RAB40AL: variants seen among roughly 807,000 people sequenced by gnomAD.
The protein encoded by RAB40AL is RAB40A like, also known as ras-related protein Rab-40A-like.
For synonymous variants in RAB40AL, 65 were observed against 95.2 expected, an observed-to-expected ratio of 0.68 and a Z score of 1.85; for missense variants, 171 against 226.7, an observed-to-expected ratio of 0.75 and a Z score of 1.58.
chrX:102,937,668 C>T lies in RAB40AL; in HGVS notation c.350C>T (p.Pro117Leu). The change falls in exon 1 of 1, where the codon CCT becomes CTT. Residue 117 changes from proline (P) to leucine (L), a missense_variant. By Grantham distance (98) the Pro-to-Leu change is moderately conservative (BLOSUM62 -3). Coordinates refer to ENST00000218249, the MANE Select transcript of RAB40AL (RefSeq NM_001031834.1). ...ATTAAGAAGATTGAGGAACATGCCC[C>T]TGGTGTCCCTAAAATCCTGGTGGGG... ...RWIKKIEEHA[P>L]GVPKILVGNR... 8.3e-7 allele frequency: 1 copy of T among 1,210,252 alleles called. No individual in the cohort carries two copies. The highest frequency in any genetic ancestry group is 1.1e-6 in the Non-Finnish European group (1 of 895,227).
In RAB40AL at chrX:102,938,027, C is replaced by T. The variant is rs1268182246; in HGVS notation, c.709C>T (p.Arg237Ter). Residue 237 changes from arginine (R) to a stop codon, truncating the protein, a stop_gained, in exon 1 of 1, where the codon CGA becomes TGA. Coordinates refer to ENST00000218249, the MANE Select transcript of RAB40AL (RefSeq NM_001031834.1). LOFTEE classifies it low-confidence loss of function (END_TRUNC). ...TAAGGGCCTGAATGCCAGGATGATG[C>T]GAGGCCTCTCCTACTCCCTCACCAC... ...MAKGLNARMMRGLSYSLTTSS... is the reference protein window; with the variant it reads ...MAKGLNARMM The T allele has an allele frequency of 1.2e-5, 15 of 1,210,155 alleles. No homozygotes were observed. Among genetic ancestry groups the T allele is most frequent in the Non-Finnish European group, 1.6e-5 (14 of 895,307 alleles).
At position 102,938,021 on chromosome X, in the gene RAB40AL, A is replaced by G. The variant is rs1232191452; in HGVS notation, c.703A>G (p.Met235Val). ...CATGGCTAAGGGCCTGAATGCCAGG[A>G]TGATGCGAGGCCTCTCCTACTCCCT... ...FSMAKGLNAR[M>V]MRGLSYSLTT... is the part of the protein sequence containing the mutation. The change falls in exon 1 of 1, where the codon ATG becomes GTG. Residue 235 changes from methionine to valine, a missense_variant. Physicochemically the swap from Met to Val is conservative, Grantham distance 21. Coordinates refer to ENST00000218249, the MANE Select transcript of RAB40AL (RefSeq NM_001031834.1). The G allele has an allele frequency of 8.3e-7, 1 of 1,210,362 alleles. No homozygotes were observed. Among genetic ancestry groups the G allele is most frequent in the Non-Finnish European group, 1.1e-6 (1 of 895,362 alleles).
chrX:102,937,431 C>A lies in RAB40AL; in HGVS notation c.113C>A (p.Thr38Lys), dbSNP rs761196461. The change falls in exon 1 of 1, where the codon ACG (threonine) becomes AAG (lysine). Residue 38 changes from threonine to lysine, a missense_variant. By Grantham distance (78) the Thr-to-Lys change is moderately conservative (BLOSUM62 -1). Coordinates refer to ENST00000218249, the MANE Select transcript of RAB40AL (RefSeq NM_001031834.1). ...SEILESLQDG[T>K]AESPYSHLGG... ...ATCCTGGAGAGCCTGCAGGACGGCACGGCCGAGTCCCCGTACAGTCACCTG... is the reference window on the plus strand; with the variant it reads ...ATCCTGGAGAGCCTGCAGGACGGCAAGGCCGAGTCCCCGTACAGTCACCTG... 7 of 1,211,541 alleles carry A rather than the reference C, an allele frequency of 5.8e-6. No homozygotes were observed. In the East Asian group the frequency reaches 1.5e-4, roughly 26 times the overall value.
chrX:102,937,887 T>G lies in RAB40AL; in HGVS notation c.569T>G (p.Leu190Arg), dbSNP rs756056894. The stretch of plus-strand genomic sequence containing the variant: ...TGGCTCGGGAGGCCGAGCAAGGTAC[T>G]GAGCTTGCAAGACCTCTGCTGCCGC... ...LNWLGRPSKV[L>R]SLQDLCCRTI... is the part of the protein sequence containing the mutation. The change falls in exon 1 of 1, where the codon CTG becomes CGG. Residue 190 changes from leucine (L) to arginine (R), a missense_variant. Leu to Arg is a moderately radical substitution (Grantham distance 102). Coordinates refer to ENST00000218249, the MANE Select transcript of RAB40AL (RefSeq NM_001031834.1). The G allele has an allele frequency of 9.9e-6, 12 of 1,210,643 alleles. No individual in the cohort carries two copies. The highest frequency in any genetic ancestry group is 6.5e-5 in the Admixed American group (3 of 45,937).
rs1426608755 is a variant in RAB40AL at position 102,937,814 on chromosome X, T to C, written c.496T>C (p.Ser166Pro). Residue 166 changes from serine to proline, a missense_variant, in exon 1 of 1, where the codon TCT becomes CCT. By Grantham distance (74) the Ser-to-Pro change is moderately conservative (BLOSUM62 -1). Coordinates refer to ENST00000218249, the MANE Select transcript of RAB40AL (RefSeq NM_001031834.1). ...SPLCNFNIIE[S>P]FTELARIVLL... is the part of the protein sequence containing the mutation. The stretch of plus-strand genomic sequence containing the variant: ...TCTGTGCAATTTCAACATCATAGAG[T>C]CTTTCACGGAGCTGGCCAGGATAGT... 7.4e-6 allele frequency: 9 copies of C among 1,209,124 alleles called. No homozygotes were observed. Among genetic ancestry groups the C allele is most frequent in the Non-Finnish European group, 1.0e-5 (9 of 895,072 alleles).
In RAB40AL at chrX:102,937,427, G is replaced by C; in HGVS notation, c.109G>C (p.Gly37Arg). 1.7e-6 allele frequency: 2 copies of C among 1,211,819 alleles called. No individual in the cohort carries two copies. Among genetic ancestry groups the C allele is most frequent in the Non-Finnish European group, 2.2e-6 (2 of 895,514 alleles). ...TGAGATCCTGGAGAGCCTGCAGGACGGCACGGCCGAGTCCCCGTACAGTCA... is the reference window on the plus strand; with the variant it reads ...TGAGATCCTGGAGAGCCTGCAGGACCGCACGGCCGAGTCCCCGTACAGTCA... ...KSEILESLQD[G>R]TAESPYSHLG... The change falls in exon 1 of 1, where the codon GGC becomes CGC. Residue 37 changes from glycine (G) to arginine (R), a missense_variant. Physicochemically the swap from Gly to Arg is moderately radical, Grantham distance 125 (BLOSUM62 -2). Coordinates refer to ENST00000218249, the MANE Select transcript of RAB40AL (RefSeq NM_001031834.1).
At position 102,937,980 on chromosome X, in the gene RAB40AL, A is replaced by C. The variant is rs145465965; in HGVS notation, c.662A>C (p.His221Pro). Residue 221 changes from histidine (H) to proline (P), a missense_variant, in exon 1 of 1, where the codon CAC (histidine) becomes CCC (proline). His to Pro is a moderately conservative substitution (Grantham distance 77). Coordinates refer to ENST00000218249, the MANE Select transcript of RAB40AL (RefSeq NM_001031834.1). ...KLPLPIALRS[H>P]LKSFSMAKGL... The stretch of plus-strand genomic sequence containing the variant: ...CCGCTCCCCATTGCCTTAAGAAGCC[A>C]CCTCAAGTCCTTCTCCATGGCTAAG... The C allele has an allele frequency of 9.0e-5, 109 of 1,210,265 alleles. No homozygotes were observed. In the African/African-American group the frequency reaches 1.7e-3, roughly 19 times the overall value.
chrX:102,937,862 T>G lies in RAB40AL; in HGVS notation c.544T>G (p.Trp182Gly). 1 of 1,212,078 alleles carries G rather than the reference T, an allele frequency of 8.3e-7. No individual in the cohort carries two copies. Among genetic ancestry groups the G allele is most frequent in the Non-Finnish European group, 1.1e-6 (1 of 895,559 alleles). Residue 182 changes from tryptophan to glycine, a missense_variant, in exon 1 of 1, where the codon TGG becomes GGG. Physicochemically the swap from Trp to Gly is radical, Grantham distance 184. Coordinates refer to ENST00000218249, the MANE Select transcript of RAB40AL (RefSeq NM_001031834.1). ...RIVLLRHRLN[W>G]LGRPSKVLSL... Reference sequence around the variant, plus strand: ...AGTGCTGCTGCGGCACAGGTTGAACTGGCTCGGGAGGCCGAGCAAGGTACT... The same window carrying G: ...AGTGCTGCTGCGGCACAGGTTGAACGGGCTCGGGAGGCCGAGCAAGGTACT...
Position 102,937,295 on chromosome X carries a change from C to G in RAB40AL, c.-24C>G. 1 of 1,202,514 alleles carries G rather than the reference C, an allele frequency of 8.3e-7. No individual in the cohort carries two copies. The highest frequency in any genetic ancestry group is 1.8e-5 in the South Asian group (1 of 55,824). On this transcript the variant is annotated 5_prime_UTR_variant, in exon 1 of 1. Coordinates refer to ENST00000218249, the MANE Select transcript of RAB40AL (RefSeq NM_001031834.1). ...TGCGCACAACCTTGCTGGTCTGGCC[C>G]AGGCGGGGGGCGGGGCCAGCACGAT... is the stretch of plus-strand genomic sequence containing the variant.
rs181884504 is a variant in RAB40AL, at chrX:102,937,307, G to A, written c.-12G>A. ...TGCTGGTCTGGCCCAGGCGGGGGGC[G>A]GGGCCAGCACGATGAGCGCCCCGGG... On this transcript the variant is annotated 5_prime_UTR_variant, in exon 1 of 1. Transcript: ENST00000218249. 3,456 of 1,204,289 alleles carry A rather than the reference G, an allele frequency of 2.9e-3. 70 individuals are homozygous for A. In the African/African-American group the frequency reaches 0.055, roughly 19 times the overall value.
In RAB40AL at chrX:102,938,177, A is replaced by G. The variant is rs1315015829; in HGVS notation, c.*22A>G. 1.7e-6 allele frequency: 2 copies of G among 1,204,720 alleles called. No homozygotes were observed. Among genetic ancestry groups the G allele is most frequent in the East Asian group, 5.9e-5 (2 of 33,799 alleles). ...TTAAGGAAGGCACCAAAAGGAAACA[A>G]GCTGGAATCGCTCCAGGAAAAACTC... On this transcript the variant is annotated 3_prime_UTR_variant, in exon 1 of 1. Transcript: ENST00000218249.
chrX:102,938,061 C>T lies in RAB40AL; in HGVS notation c.743C>T (p.Thr248Ile). Residue 248 changes from threonine (T) to isoleucine (I), a missense_variant, in exon 1 of 1, where the codon ACT (threonine) becomes ATT (isoleucine). By Grantham distance (89) the Thr-to-Ile change is moderately conservative. Coordinates refer to ENST00000218249, the MANE Select transcript of RAB40AL (RefSeq NM_001031834.1). ...GLSYSLTTSS[T>I]HKRSSLCKVK... is the part of the protein sequence containing the mutation. ...TCCTACTCCCTCACCACCAGCTCCA[C>T]TCACAAAAGGAGCAGCCTCTGCAAA... 8.2e-7 allele frequency: 1 copy of T among 1,212,124 alleles called. No individual in the cohort carries two copies. Among genetic ancestry groups the T allele is most frequent in the Non-Finnish European group, 1.1e-6 (1 of 895,639 alleles).
rs369507653 is a variant in RAB40AL at position 102,937,603 on chromosome X, C to T, written c.285C>T (p.Asp95=). 7.4e-6 allele frequency: 9 copies of T among 1,210,500 alleles called. No homozygotes were observed. Among genetic ancestry groups the T allele is most frequent in the Non-Finnish European group, 1.0e-5 (9 of 894,981 alleles). Residue 95 remains aspartate (D), a synonymous_variant, in exon 1 of 1, where the codon GAC becomes GAT. Transcript: ENST00000218249. ...CACAAGGAGTGATCCTGGTCTACGA[C>T]ATTGCAAACCGCTGGTCTTTCGAGG... ...RGAQGVILVY[D]IANRWSFEGM...
Position 102,937,553 on chromosome X carries a change from A to G in RAB40AL, c.235A>G (p.Ile79Val), listed in dbSNP as rs2084562831. Residue 79 changes from isoleucine to valine, a missense_variant, in exon 1 of 1, where the codon ATA becomes GTA. By Grantham distance (29) the Ile-to-Val change is conservative. Coordinates refer to ENST00000218249, the MANE Select transcript of RAB40AL (RefSeq NM_001031834.1). ...GTCGGGGCAGGGAAGATTTTGTACC[A>G]TATTCCGCTCCTACTCTCGTGGTGC... ...DTSGQGRFCT[I>V]FRSYSRGAQG... 8.3e-7 allele frequency: 1 copy of G among 1,210,784 alleles called. No individual in the cohort carries two copies. Among genetic ancestry groups the G allele is most frequent in the Non-Finnish European group, 1.1e-6 (1 of 895,190 alleles).
Position 102,938,230 on chromosome X carries a change from A to T in RAB40AL, c.*75A>T. 1 of 1,119,242 alleles carries T rather than the reference A, an allele frequency of 8.9e-7. No individual in the cohort carries two copies. Among genetic ancestry groups the T allele is most frequent in the Non-Finnish European group, 1.2e-6 (1 of 812,619 alleles). The allele number at this position is 1,119,242 out of a possible 1,213,427, so 92.2% of individuals were successfully genotyped here. ...AATGGTTACACCTGGAAGAGGGAAGATGCATTCTAGATTCAAAGAAATACG... is the reference window on the plus strand; with the variant it reads ...AATGGTTACACCTGGAAGAGGGAAGTTGCATTCTAGATTCAAAGAAATACG... On this transcript the variant is annotated 3_prime_UTR_variant, in exon 1 of 1. Coordinates refer to ENST00000218249, the MANE Select transcript of RAB40AL (RefSeq NM_001031834.1).
Position 102,937,712 on chromosome X carries a change from T to C in RAB40AL, c.394T>C (p.Phe132Leu). 8.3e-7 allele frequency: 1 copy of C among 1,210,003 alleles called. No homozygotes were observed. The highest frequency in any genetic ancestry group is 1.1e-6 in the Non-Finnish European group (1 of 895,347). The change falls in exon 1 of 1, where the codon TTC becomes CTC. Residue 132 changes from phenylalanine (F) to leucine (L), a missense_variant. Phe to Leu is a conservative substitution (Grantham distance 22). Transcript: ENST00000218249. ...GGTGGGGAATCGCCTACATCTGGCATTCAAGAGGCAGGTGCCCAGGGAGCA... is the reference window on the plus strand; with the variant it reads ...GGTGGGGAATCGCCTACATCTGGCACTCAAGAGGCAGGTGCCCAGGGAGCA... ...ILVGNRLHLA[F>L]KRQVPREQAQ...
chrX:102,937,688 G>T lies in RAB40AL; in HGVS notation c.370G>T (p.Val124Leu), dbSNP rs2147530004. The T allele has an allele frequency of 3.3e-6, 4 of 1,210,194 alleles. No individual in the cohort carries two copies. Among genetic ancestry groups the T allele is most frequent in the East Asian group, 5.9e-5 (2 of 33,713 alleles). The change falls in exon 1 of 1, where the codon GTG (valine) becomes TTG (leucine). Residue 124 changes from valine (V) to leucine (L), a missense_variant. Physicochemically the swap from Val to Leu is conservative, Grantham distance 32. Coordinates refer to ENST00000218249, the MANE Select transcript of RAB40AL (RefSeq NM_001031834.1). ...TGCCCCTGGTGTCCCTAAAATCCTG[G>T]TGGGGAATCGCCTACATCTGGCATT... ...EHAPGVPKILVGNRLHLAFKR... is the reference protein window; with the variant it reads ...EHAPGVPKILLGNRLHLAFKR...
chrX:102,937,571 C>G lies in RAB40AL; in HGVS notation c.253C>G (p.Arg85Gly), dbSNP rs1300469874. ...RFCTIFRSYS[R>G]GAQGVILVYD... ...TTGTACCATATTCCGCTCCTACTCT[C>G]GTGGTGCACAAGGAGTGATCCTGGT... Residue 85 changes from arginine (R) to glycine (G), a missense_variant, in exon 1 of 1, where the codon CGT (arginine) becomes GGT (glycine). By Grantham distance (125) the Arg-to-Gly change is moderately radical (BLOSUM62 -2). Transcript: ENST00000218249. 1.1e-5 allele frequency: 13 copies of G among 1,211,083 alleles called. No homozygotes were observed. Among genetic ancestry groups the G allele is most frequent in the Non-Finnish European group, 1.5e-5 (13 of 895,279 alleles).
chrX:102,937,560 G>T lies in RAB40AL; in HGVS notation c.242G>T (p.Arg81Leu). 1.7e-6 allele frequency: 2 copies of T among 1,210,940 alleles called. No individual in the cohort carries two copies. Among genetic ancestry groups the T allele is most frequent in the Non-Finnish European group, 2.2e-6 (2 of 895,189 alleles). Residue 81 changes from arginine (R) to leucine (L), a missense_variant, in exon 1 of 1, where the codon CGC (arginine) becomes CTC (leucine). By Grantham distance (102) the Arg-to-Leu change is moderately radical. Transcript: ENST00000218249. Reference sequence around the variant, plus strand: ...CAGGGAAGATTTTGTACCATATTCCGCTCCTACTCTCGTGGTGCACAAGGA... The same window carrying T: ...CAGGGAAGATTTTGTACCATATTCCTCTCCTACTCTCGTGGTGCACAAGGA... ...SGQGRFCTIF[R>L]SYSRGAQGVI...
Sources: gnomAD v4.1 joint callset for allele counts on GRCh38, gnomAD v4.1.1 for gene constraint, MANE v1.5 for transcripts, NCBI Gene and HGNC (gene_info 2026-07-23, HGNC 2026-07-21) for gene names.